The following PFKFB1 variants were observed in gnomAD, a reference collection of about 807,000 sequenced individuals.
PFKFB1 encodes the protein 6-phosphofructo-2-kinase/fructose-2,6-biphosphatase 1.
PFKFB1 carries 34 observed loss-of-function variants against 46.4 expected under a neutral mutation model. That is an observed-to-expected ratio of 0.73 (90% CI 0.56 to 0.98). PFKFB1 has a LOEUF of 0.98. PFKFB1 is among the 50% of genes least tolerant of loss of function. The pLI, the probability that PFKFB1 is intolerant of heterozygous loss-of-function variation, is 0.00. For synonymous variants in PFKFB1, 119 were observed against 133.8 expected, an observed-to-expected ratio of 0.89 and a Z score of 0.76; for missense variants, 393 against 376.3, an observed-to-expected ratio of 1.04 and a Z score of -0.37.
intron 1 of PFKFB1, among the ~76,000 whole-genome samples, chrX:54,991,016 C>T (rs900661931): frequency 1.3e-4 from 14 of 111,624 alleles, no homozygotes; most frequent in Non-Finnish European, 2.6e-4. Flanking sequence ...AAATCGGGAT[C>T]AGCATAAGAA....
chrX:54,956,943 G>A (rs1451756871), intron 6 of PFKFB1, among the ~76,000 whole-genome samples: 1 of 111,781 alleles, frequency 8.9e-6, no homozygotes, highest in Non-Finnish European at 1.9e-5. Context: ...TAGTTCTAAT[G>A]TATTCACCAT....
chrX:54,936,739 T>C (rs1336146625), intron 11 of PFKFB1, among the ~76,000 whole-genome samples: 3 of 112,206 alleles, frequency 2.7e-5, no homozygotes, highest in Non-Finnish European at 5.6e-5. Context: ...AAATTCCTTA[T>C]TTAATGTCAA....
Position 54,958,858 on chromosome X carries a change from C to A in PFKFB1, c.452G>T (p.Gly151Val). ...SLILQFAKEHGYKVFFIESIC... is the reference protein window; with the variant it reads ...SLILQFAKEHVYKVFFIESIC... ...GTTGGAGTGTTACCATACCTTGTAA[C>A]CATGTTCTTTTGCAAACTGCAGGAT... The change falls in exon 5 of 14, where the codon GGT (glycine) becomes GTT (valine). Residue 151 changes from glycine (G) to valine (V), a missense_variant. Transcript: ENST00000375006. 1 of 1,175,246 alleles carries A rather than the reference C, an allele frequency of 8.5e-7. No homozygotes were observed. The highest frequency in any genetic ancestry group is 1.2e-6 in the Non-Finnish European group (1 of 863,210).
At position 54,946,750 on chromosome X, in the gene PFKFB1, T is replaced by C. The variant is rs773632772; in HGVS notation, c.994-1207A>G. ...ATTGCTTAACCTCTCCGAATTTTAC[T>C]TTCCTTATCTGCAAAATGTGGAGAA... is the stretch of plus-strand genomic sequence containing the variant. On this transcript the variant is annotated intron_variant, in intron 9 of 13. Coordinates refer to ENST00000375006, the MANE Select transcript of PFKFB1 (RefSeq NM_002625.4). Among the ~76,000 whole-genome samples, 9 of 112,460 alleles carry C rather than the reference T, an allele frequency of 8.0e-5. No individual in the cohort carries two copies. The South Asian group carries it at 3.3e-3, about 41-fold the overall frequency.
intron 1 of PFKFB1, among the ~76,000 whole-genome samples, chrX:54,977,016 G>T (rs765164048): frequency 9.0e-6 from 1 of 110,508 alleles, no homozygotes; most frequent in East Asian, 2.9e-4. Context: ...GGCTGTACAG[G>T]AGAATTTTTA....
Position 54,949,135 on chromosome X carries a change from CT to C in PFKFB1, c.932del (p.Gln311ArgfsTer16). 8.3e-7 allele frequency: 1 copy of C among 1,210,633 alleles called. No homozygotes were observed. The highest frequency in any genetic ancestry group is 1.1e-6 in the Non-Finnish European group (1 of 894,775). On this transcript the variant is annotated frameshift_variant, in exon 9 of 14. Transcript: ENST00000375006. LOFTEE classifies it high-confidence loss of function. ...AGGGGACACCCAGGGCCTCAGCTGTCTGGATGGTCCTCTTCATGTGACTGGT... is the reference window on the plus strand; with the variant it reads ...AGGGGACACCCAGGGCCTCAGCTGTCGGATGGTCCTCTTCATGTGACTGGT... ...VWTSHMKRTI[Q>X]TAEALGVPYE... is the part of the protein sequence containing the mutation.
intron 1 of PFKFB1, among the ~76,000 whole-genome samples, chrX:54,971,624 G>T (rs1158739657): frequency 3.6e-5 from 4 of 111,759 alleles, no homozygotes; most frequent in African/African-American, 1.3e-4. Flanking sequence ...TTTTTCTCAG[G>T]TTTGTCAAAG....
In PFKFB1 at chrX:54,960,730, C is replaced by T. The variant is rs182595800; in HGVS notation, c.317+94G>A. On this transcript the variant is annotated intron_variant, in intron 3 of 13. Coordinates refer to ENST00000375006, the MANE Select transcript of PFKFB1 (RefSeq NM_002625.4). ...TTTGAGAGTCTAGAGGGCCTCCTTTCTGGTCCAGATTATTCTGCCCTACTC... is the reference window on the plus strand; with the variant it reads ...TTTGAGAGTCTAGAGGGCCTCCTTTTTGGTCCAGATTATTCTGCCCTACTC... 512 of 498,315 alleles carry T rather than the reference C, an allele frequency of 1.0e-3. 3 individuals carry two copies. In the African/African-American group the frequency reaches 0.01, roughly 10 times the overall value. 41.1% of individuals were successfully genotyped at this position (498,315 alleles called of 1,213,427 possible). A position where few individuals can be genotyped will look rare whatever the true frequency, so the allele number is the denominator to read the frequency against.
At chrX:54,953,088 A>G (rs1467947340) in intron 7 of PFKFB1, among the ~76,000 whole-genome samples, 1 of 112,107 alleles carries the variant, frequency 8.9e-6, no homozygotes, top group Non-Finnish European at 1.9e-5. Flanking sequence ...GACTAGAAAC[A>G]TGGAGCAAGA....
intron 1 of PFKFB1, among the ~76,000 whole-genome samples, chrX:54,983,957 G>A (rs757982949): frequency 8.9e-5 from 10 of 111,785 alleles, no homozygotes; most frequent in Non-Finnish European, 1.5e-4. Flanking sequence ...TTGGCTGTAT[G>A]TGTGTCTTCT....
chrX:54,980,517 A>T (rs750648897), intron 1 of PFKFB1, among the ~76,000 whole-genome samples: 5 of 110,837 alleles, frequency 4.5e-5, no homozygotes, highest in Non-Finnish European at 9.5e-5. Context: ...GAGCCTGACT[A>T]AAGTGTGGAC....
intron 9 of PFKFB1, among the ~76,000 whole-genome samples, chrX:54,948,561 C>T (rs1933872248): frequency 8.9e-6 from 1 of 112,277 alleles, no homozygotes; most frequent in Non-Finnish European, 1.9e-5. Flanking sequence ...TCAGATCTCA[C>T]TATTGCTGTC....
chrX:54,983,428 G>GT (rs1362458665), intron 1 of PFKFB1, among the ~76,000 whole-genome samples: 1 of 111,528 alleles, frequency 9.0e-6, no homozygotes, highest in African/African-American at 3.3e-5. Flanking sequence ...GCAGTATTTG[G>GT]TTTTCTGTTC....
chrX:54,958,921 A>G lies in PFKFB1; in HGVS notation c.389T>C (p.Phe130Ser). ...LSHEEGHVAV[F>S]DATNTTRERR... ...TTCTCTGGTAGTGTTGGTGGCATCA[A>G]AAACCTAGAGGCAGGTAATGAGATT... Residue 130 changes from phenylalanine to serine, a missense_variant, in exon 5 of 14, where the codon TTT (phenylalanine) becomes TCT (serine). Phe to Ser is a radical substitution (Grantham distance 155). Transcript: ENST00000375006. The G allele has an allele frequency of 2.6e-6, 3 of 1,170,524 alleles. No homozygotes were observed. Among genetic ancestry groups the G allele is most frequent in the Non-Finnish European group, 1.2e-6 (1 of 858,557 alleles).
At chrX:54,992,037 C>G (rs1302238147) in intron 1 of PFKFB1, among the ~76,000 whole-genome samples, 1 of 111,488 alleles carries the variant, frequency 9.0e-6, no homozygotes, top group East Asian at 2.8e-4. Context: ...CAGACATTGT[C>G]CAGACTTGGC....
intron 10 of PFKFB1, among the ~76,000 whole-genome samples, chrX:54,942,953 A>C (rs953891100): frequency 1.8e-5 from 2 of 111,762 alleles, no homozygotes; most frequent in African/African-American, 6.5e-5. Context: ...GATGCAGCAA[A>C]AGATACAAAG....
At chrX:54,998,388 C>T (rs762548353), upstream of PFKFB1, 21 of 1,141,818 alleles carry the variant, frequency 1.8e-5, no homozygotes, top group East Asian at 6.5e-4. Flanking sequence ...TGCCTACTTT[C>T]CCTTCTTTCT....
In PFKFB1 at chrX:54,958,340, C is replaced by T. The variant is rs756639395; in HGVS notation, c.482G>A (p.Cys161Tyr). Residue 161 changes from cysteine to tyrosine, a missense_variant, in exon 6 of 14, where the codon TGT becomes TAT. Physicochemically the swap from Cys to Tyr is radical, Grantham distance 194. Coordinates refer to ENST00000375006, the MANE Select transcript of PFKFB1 (RefSeq NM_002625.4). ...TTCTGCAATTATGCCAGGGTCATTA[C>T]AAATGGACTCAATGAAAAACACCTA... ...GYKVFFIESI[C>Y]NDPGIIAENI... is the part of the protein sequence containing the mutation. The T allele has an allele frequency of 1.7e-6, 2 of 1,173,414 alleles. No homozygotes were observed. Among genetic ancestry groups the T allele is most frequent in the Non-Finnish European group, 2.3e-6 (2 of 862,735 alleles).
chrX:54,978,974 T>A (rs1267354268), intron 1 of PFKFB1, among the ~76,000 whole-genome samples: 1 of 111,697 alleles, frequency 9.0e-6, no homozygotes, highest in African/African-American at 3.2e-5. Flanking sequence ...CTGGATTGGA[T>A]CCTGGAACAT....
Sources: gnomAD v4.1 joint callset for allele counts (sites outside exome capture counted in the v4.1 genomes callset) on GRCh38, gnomAD v4.1.1 for gene constraint, MANE v1.5 for transcripts, NCBI Gene and HGNC (gene_info 2026-07-23, HGNC 2026-07-21) for gene names.